The following NPHP3 variants were observed in gnomAD, a reference collection of about 807,000 sequenced individuals.
NPHP3 encodes nephrocystin 3.
NPHP3 carries 123 observed loss-of-function variants against 171.9 expected under a neutral mutation model. The observed-to-expected ratio is 0.72, with a 90% CI of 0.62 to 0.83. The LOEUF is 0.83. NPHP3 is among the 40% of genes least tolerant of loss of function. The pLI is 0.00. For missense variants in NPHP3, 1,506 were observed against 1,591.9 expected, an observed-to-expected ratio of 0.95 and a Z score of 0.92; for synonymous variants, 558 against 579.2, an observed-to-expected ratio of 0.96 and a Z score of 0.52.
rs1939561378 is a variant in NPHP3 at position 132,699,913 on chromosome 3, G to A, written c.1887+5C>T. The stretch of plus-strand genomic sequence containing the variant: ...TATCAATAGGTAACAAATGGAAAAC[G>A]GTACCTGAACTTGATCTATAGAATC... On this transcript the variant is annotated splice_donor_5th_base_variant and intron_variant, in intron 12 of 26. Transcript: ENST00000337331. 3 of 1,613,912 alleles carry A rather than the reference G, an allele frequency of 1.9e-6. No individual in the cohort carries two copies. The highest frequency in any genetic ancestry group is 1.6e-4 in the Middle Eastern group (1 of 6,062).
intron 10 of NPHP3, among the ~76,000 whole-genome samples, chr3:132,700,754 T>C (rs954075444): frequency 1.3e-5 from 2 of 152,144 alleles, no homozygotes; most frequent in African/African-American, 4.8e-5. Context: ...AAATTCCTAC[T>C]AGAGGAAAAT....
chr3:132,698,070 C>A (rs929551889), intron 13 of NPHP3, among the ~76,000 whole-genome samples: 1 of 152,002 alleles, frequency 6.6e-6, no homozygotes, highest in Admixed American at 6.5e-5. Flanking sequence ...CAACCTCTGC[C>A]TCCCAGGTTC....
In NPHP3 at chr3:132,681,398, G is replaced by T; in HGVS notation, c.*512C>A. On this transcript the variant is annotated 3_prime_UTR_variant, in exon 27 of 27. Coordinates refer to ENST00000337331, the MANE Select transcript of NPHP3 (RefSeq NM_153240.5). ...CATGCCTCAGCCTCCTGAGTAGCTA[G>T]GATTACAGGCATGCGCCACCAGGTC... The T allele has an allele frequency of 6.0e-6, 1 of 167,782 alleles. No homozygotes were observed. The highest frequency in any genetic ancestry group is 1.5e-4 in the South Asian group (1 of 6,730). 10.4% of individuals were successfully genotyped at this position (167,782 alleles called of 1,614,324 possible). A position where few individuals can be genotyped will look rare whatever the true frequency, so the allele number is the denominator to read the frequency against.
In NPHP3 at chr3:132,713,271, G is replaced by A. The variant is rs767654727; in HGVS notation, c.973C>T (p.Leu325Phe). The A allele has an allele frequency of 1.3e-6, 2 of 1,599,724 alleles. No homozygotes were observed. The highest frequency in any genetic ancestry group is 2.3e-5 in the South Asian group (2 of 88,286). The change falls in exon 6 of 27, where the codon CTT becomes TTT. Residue 325 changes from leucine (L) to phenylalanine (F), a missense_variant. By Grantham distance (22) the Leu-to-Phe change is conservative (BLOSUM62 0). This residue lies in a region of NPHP3 where 930 missense variants were observed against 924.9 expected (regional missense o/e 1.01). Transcript: ENST00000337331. The stretch of plus-strand genomic sequence containing the variant: ...CCCATTGTCTCGCACATTCTCTTAA[G>A]TTTAGGTGAATAGTCCTAAAAACAA... The part of the protein sequence containing the change: ...DLFLKDYSPK[L>F]KRMCETMGYF...
chr3:132,717,052 T>A (rs954449175), intron 3 of NPHP3, 143 bp from the exon 4 acceptor site: 8 of 925,900 alleles, frequency 8.6e-6, no homozygotes, highest in Non-Finnish European at 8.1e-6. Flanking sequence ...TACTTTGCCA[T>A]CGACTTTTGG....
At chr3:132,689,995 G>C (rs934548895) in intron 19 of NPHP3, among the ~76,000 whole-genome samples, 1 of 152,170 alleles carries the variant, frequency 6.6e-6, no homozygotes, top group Non-Finnish European at 1.5e-5. Context: ...TAGTAGGTTA[G>C]ACAGTTGCCT....
Position 132,689,258 on chromosome 3 carries a change from T to C in NPHP3, c.2699A>G (p.His900Arg). 2 of 1,614,144 alleles carry C rather than the reference T, an allele frequency of 1.2e-6. No homozygotes were observed. Among genetic ancestry groups the C allele is most frequent in the Non-Finnish European group, 1.7e-6 (2 of 1,179,940 alleles). The change falls in exon 20 of 27, where the codon CAC becomes CGC. Residue 900 changes from histidine to arginine, a missense_variant. By Grantham distance (29) the His-to-Arg change is conservative. Transcript: ENST00000337331. ...FVSQNLYKRG[H>R]FAELLSYWQF... ...CCAATAACTCAGCAACTCAGCAAAG[T>C]GTCCCCTGTTTCAACAAATAACAGT...
rs752335903 is a variant in NPHP3, at chr3:132,699,349, G to A, written c.1985+4C>T. ...CTCTGAAAGAACTAAAGTTGGCATC[G>A]TACCTCCATGCTGGAGGGCATGTTT... On this transcript the variant is annotated splice_donor_region_variant and intron_variant, in intron 13 of 26. Coordinates refer to ENST00000337331, the MANE Select transcript of NPHP3 (RefSeq NM_153240.5). 13 of 1,593,788 alleles carry A rather than the reference G, an allele frequency of 8.2e-6. No individual in the cohort carries two copies. Among genetic ancestry groups the A allele is most frequent in the East Asian group, 4.5e-5 (2 of 44,778 alleles).
chr3:132,721,812 A>T, intron 1 of NPHP3, 151 bp downstream of exon 1: 1 of 983,464 alleles, frequency 1.0e-6, no homozygotes, highest in Non-Finnish European at 1.6e-6. Flanking sequence ...GGGGAGGGTT[A>T]AGGAATCATT....
intron 21 of NPHP3, among the ~76,000 whole-genome samples, chr3:132,687,749 CA>C (rs1055533048): frequency 2.6e-5 from 4 of 152,100 alleles, no homozygotes; most frequent in Non-Finnish European, 1.5e-5. Context: ...TATGATAGAG[CA>C]AAAGAAATAA....
At chr3:132,711,809 C>G (rs1239538903) in intron 6 of NPHP3, among the ~76,000 whole-genome samples, 1 of 152,048 alleles carries the variant, frequency 6.6e-6, no homozygotes, top group Non-Finnish European at 1.5e-5. Flanking sequence ...CAATGAAACC[C>G]TACTGAAGGC....
Position 132,716,722 on chromosome 3 carries a change from C to T in NPHP3, c.823+35G>A, listed in dbSNP as rs777282640. 23 of 1,606,246 alleles carry T rather than the reference C, an allele frequency of 1.4e-5. No individual in the cohort carries two copies. In the African/African-American group the frequency reaches 2.1e-4, roughly 15 times the overall value. Reference sequence around the variant, plus strand: ...ATTATAAAACATGAACAGTCACTACCACTAGGCAAGTAATTGACAAACAGC... The same window carrying T: ...ATTATAAAACATGAACAGTCACTACTACTAGGCAAGTAATTGACAAACAGC... On this transcript the variant is annotated intron_variant, in intron 4 of 26. Coordinates refer to ENST00000337331, the MANE Select transcript of NPHP3 (RefSeq NM_153240.5).
Position 132,684,710 on chromosome 3 carries a change from CA to C in NPHP3, c.3413del (p.Leu1138Ter). 1 of 1,614,064 alleles carries C rather than the reference CA, an allele frequency of 6.2e-7. No individual in the cohort carries two copies. Among genetic ancestry groups the C allele is most frequent in the Non-Finnish European group, 8.5e-7 (1 of 1,179,982 alleles). On this transcript the variant is annotated frameshift_variant, in exon 24 of 27. Coordinates refer to ENST00000337331, the MANE Select transcript of NPHP3 (RefSeq NM_153240.5). LOFTEE classifies it high-confidence loss of function. ...GPDHPDCAQSLNNLAALCNEK... is the reference protein window; with the variant it reads ...GPDHPDCAQSXNNLAALCNEK... ...CATTGCATAGAGCTGCCAGATTATT[CA>C]AAGACTGAGCACAGTCAGGGTGATC...
chr3:132,681,976 A>G lies in NPHP3; in HGVS notation c.3927T>C (p.Ser1309=), dbSNP rs752237072. The G allele has an allele frequency of 1.2e-6, 2 of 1,614,128 alleles. No homozygotes were observed. The highest frequency in any genetic ancestry group is 2.2e-5 in the South Asian group (2 of 91,088). ...CTGTTTTTAAGCTAAACGTGTCTCCACTTGATGAATGGCGTGAAGGAGCTT... is the reference window on the plus strand; with the variant it reads ...CTGTTTTTAAGCTAAACGTGTCTCCGCTTGATGAATGGCGTGAAGGAGCTT... ...GGKAPSRHSS[S]GDTFSLKTAH... The change falls in exon 27 of 27, where the codon AGT becomes AGC. Residue 1309 remains serine (S), a synonymous_variant. Coordinates refer to ENST00000337331, the MANE Select transcript of NPHP3 (RefSeq NM_153240.5).
rs559443516 is a variant in NPHP3, at chr3:132,681,833, A to G, written c.*77T>C. The G allele has an allele frequency of 1.2e-5, 16 of 1,344,894 alleles. No individual in the cohort carries two copies. In the South Asian group the frequency reaches 1.9e-4, roughly 16 times the overall value. The allele number at this position is 1,344,894 out of a possible 1,614,324, so 83.3% of individuals were successfully genotyped here. On this transcript the variant is annotated 3_prime_UTR_variant, in exon 27 of 27. Transcript: ENST00000337331. The stretch of plus-strand genomic sequence containing the variant: ...AAAATTTCGTACAACATTTTTTTAA[A>G]GTTTCAAATTCAAATGTTCCAAATG...
At position 132,684,617 on chromosome 3, in the gene NPHP3, T is replaced by C; in HGVS notation, c.3507A>G (p.Leu1169=). The C allele has an allele frequency of 6.2e-7, 1 of 1,614,056 alleles. No homozygotes were observed. Among genetic ancestry groups the C allele is most frequent in the South Asian group, 1.1e-5 (1 of 91,082 alleles). ...ATGCCAAAGAAGGGTGATCAGGAGC[T>C]AATGCACGTCTCCGAATATCTAAAG... is the stretch of plus-strand genomic sequence containing the variant. ...ERALDIRRRA[L]APDHPSLAYT... is the part of the protein sequence containing the mutation. Residue 1169 remains leucine, a synonymous_variant, in exon 24 of 27, where the codon TTA becomes TTG. Transcript: ENST00000337331.
rs141073933 is a variant in NPHP3 at position 132,689,187 on chromosome 3, C to T, written c.2770G>A (p.Asp924Asn). 215 of 1,613,968 alleles carry T rather than the reference C, an allele frequency of 1.3e-4. No homozygotes were observed. Among genetic ancestry groups the T allele is most frequent in the Non-Finnish European group, 1.7e-4 (205 of 1,179,960 alleles). ...TTTTTCTCATACTGCTTCAATGAAT[C>T]GAAGTATTCTGTTGCCATTGCACTT... ...DKSAMATEYFDSLKQYEKNCE... is the reference protein window; with the variant it reads ...DKSAMATEYFNSLKQYEKNCE... The change falls in exon 20 of 27, where the codon GAT (aspartate) becomes AAT (asparagine). Residue 924 changes from aspartate (D) to asparagine (N), a missense_variant. By Grantham distance (23) the Asp-to-Asn change is conservative. Coordinates refer to ENST00000337331, the MANE Select transcript of NPHP3 (RefSeq NM_153240.5).
intron 20 of NPHP3, 55 bp from the exon 21 acceptor site, chr3:132,688,946 T>G (rs1324401390): frequency 1.9e-6 from 3 of 1,613,272 alleles, no homozygotes; most frequent in Non-Finnish European, 2.5e-6. Context: ...CTGCAAGATC[T>G]GTCATCTGAT....
chr3:132,684,869 G>C, intron 23 of NPHP3, 75 bp from the exon 24 acceptor site: 3 of 1,510,322 alleles, frequency 2.0e-6, no homozygotes. Context: ...AAATTAAGTG[G>C]AGAACTGACT....
Sources: gnomAD v4.1 joint callset for allele counts (sites outside exome capture counted in the v4.1 genomes callset) on GRCh38, gnomAD v4.1.1 for gene constraint, gnomAD v4.1.1 regional missense constraint, MANE v1.5 for transcripts, NCBI Gene and HGNC (gene_info 2026-07-23, HGNC 2026-07-21) for gene names.